Variants in MS4A4E observed in about 807,000 individuals in gnomAD.
MS4A4E encodes membrane spanning 4-domains A4E.
A neutral mutation model predicts 13.3 loss-of-function variants in MS4A4E; 23 were observed. The ratio of observed to expected loss-of-function variants is 1.73; its 90% CI spans 1.25 to 2.45. The LOEUF is 2.45. Among genes scored for constraint, MS4A4E ranks in the 30% most tolerant of loss-of-function variants. The pLI is 0.00. For missense variants in MS4A4E, 144 were observed against 131.2 expected, an observed-to-expected ratio of 1.10 and a Z score of -0.48; for synonymous variants, 36 against 45.6, an observed-to-expected ratio of 0.79 and a Z score of 0.85.
chr11:60,235,498 T>A (rs1360028916), intron 1 of MS4A4E, among the ~76,000 whole-genome samples: 1 of 152,250 alleles, frequency 6.6e-6, no homozygotes, highest in Non-Finnish European at 1.5e-5. Context: ...CTGTTCCCTT[T>A]AGATCTTGCC....
Position 60,230,236 on chromosome 11 carries a change from G to T in MS4A4E, c.-16-165C>A, listed in dbSNP as rs528502107. ...AAGTGGAAGAGGCAACACATTAAGT[G>T]GGGGGTGGAGAGAGAGAGAGAGAGA... On this transcript the variant is annotated intron_variant, in intron 1 of 8. Transcript: ENST00000651255. Among the ~76,000 whole-genome samples the T allele has an allele frequency of 2.1e-4, 32 of 152,260 alleles. No homozygotes were observed. In the East Asian group the frequency reaches 2.5e-3, roughly 12 times the overall value.
intron 3 of MS4A4E, 66 bp downstream of exon 3, chr11:60,228,528 G>C: frequency 6.3e-6 from 4 of 636,432 alleles, no homozygotes; most frequent in Non-Finnish European, 8.5e-6. Context: ...TAACAGGGAA[G>C]ACAGTTTGGC....
intron 6 of MS4A4E, 45 bp downstream of exon 6, chr11:60,208,548 A>G: frequency 1.4e-6 from 1 of 713,150 alleles, no homozygotes; most frequent in East Asian, 2.6e-5. Flanking sequence ...TTATACAGCA[A>G]TACAAAAGTA....
intron 1 of MS4A4E, among the ~76,000 whole-genome samples, chr11:60,240,674 T>A (rs2084537207): frequency 6.6e-6 from 1 of 152,190 alleles, no homozygotes; most frequent in Non-Finnish European, 1.5e-5. Flanking sequence ...CTAAAGTAAT[T>A]TCATTCCTAT....
At chr11:60,241,999 C>A (rs2084558415) in intron 1 of MS4A4E, among the ~76,000 whole-genome samples, 1 of 152,196 alleles carries the variant, frequency 6.6e-6, no homozygotes, top group African/African-American at 2.4e-5. Context: ...CACCATCCCC[C>A]TTATGGGTCA....
rs1387981071 is a variant in MS4A4E at position 60,205,734 on chromosome 11, A to C, written c.570T>G (p.Asp190Glu). The change falls in exon 7 of 9, where the codon GAT becomes GAG. Residue 190 changes from aspartate to glutamate, a missense_variant. Asp to Glu is a conservative substitution (Grantham distance 45, BLOSUM62 2). Transcript: ENST00000651255. ...MQYDGKRLNVDVDSTVWCSGD... is the reference protein window; with the variant it reads ...MQYDGKRLNVEVDSTVWCSGD... ...TTTACCACCATACAGTACTGTCGAC[A>C]TCAACATTTAGTCTCTTTCCATCAT... is the stretch of plus-strand genomic sequence containing the variant. 6.6e-6 allele frequency among the ~76,000 whole-genome samples: 1 copy of C among 152,232 alleles called. No individual in the cohort carries two copies.
chr11:60,215,243 C>T (rs1236762522), intron 3 of MS4A4E, among the ~76,000 whole-genome samples: 1 of 151,682 alleles, frequency 6.6e-6, no homozygotes, highest in Non-Finnish European at 1.5e-5. Context: ...TAAAATAGCT[C>T]AATAAACTTC....
intron 3 of MS4A4E, among the ~76,000 whole-genome samples, chr11:60,227,464 T>C (rs2084357978): frequency 6.6e-6 from 1 of 152,036 alleles, no homozygotes; most frequent in Admixed American, 6.5e-5. Context: ...GGCAGGAGAA[T>C]GGTGTGAACC....
At chr11:60,207,847 T>A (rs906895599) in intron 6 of MS4A4E, among the ~76,000 whole-genome samples, 9 of 152,284 alleles carry the variant, frequency 5.9e-5, no homozygotes, top group African/African-American at 2.2e-4. Flanking sequence ...GCCAGGAGCA[T>A]CTGCTGCAGG....
In MS4A4E at chr11:60,201,443, T is replaced by C. The variant is rs567593980; in HGVS notation, c.*100A>G. 1,330 of 203,786 alleles carry C rather than the reference T, an allele frequency of 6.5e-3. 10 individuals carry two copies. The highest frequency in any genetic ancestry group is 0.031 in the African/African-American group (1,236 of 39,700). 12.6% of individuals were successfully genotyped at this position (203,786 alleles called of 1,614,324 possible). A position where few individuals can be genotyped will look rare whatever the true frequency, so the allele number is the denominator to read the frequency against. On this transcript the variant is annotated 3_prime_UTR_variant, in exon 9 of 9. Coordinates refer to ENST00000651255, the MANE Select transcript of MS4A4E (RefSeq NM_001393391.1). ...CTCCTCCCTTCTCAGATGGGGCGGC[T>C]GGGCAGAGACGCTCCTCACCTCCCA...
chr11:60,223,385 AAT>A (rs1195903683), intron 3 of MS4A4E, among the ~76,000 whole-genome samples: 1 of 152,188 alleles, frequency 6.6e-6, no homozygotes, highest in Non-Finnish European at 1.5e-5. Context: ...TTGTACAAAA[AAT>A]AGCTGCATTA....
intron 3 of MS4A4E, among the ~76,000 whole-genome samples, chr11:60,224,357 C>A (rs773289718): frequency 3.3e-5 from 5 of 152,126 alleles, no homozygotes; most frequent in Non-Finnish European, 7.4e-5. Context: ...AGTCAGTAGA[C>A]TCTATATTAG....
chr11:60,202,742 A>G (rs1047893432), intron 8 of MS4A4E, among the ~76,000 whole-genome samples: 3 of 152,194 alleles, frequency 2.0e-5, no homozygotes, highest in African/African-American at 7.2e-5. Context: ...TGTCATTCTC[A>G]ATATGACATC....
chr11:60,240,348 C>T (rs773651959), intron 1 of MS4A4E, among the ~76,000 whole-genome samples: 1 of 152,196 alleles, frequency 6.6e-6, no homozygotes, highest in Non-Finnish European at 1.5e-5. Flanking sequence ...CTCCCATCTC[C>T]TCGTGCCAAG....
intron 3 of MS4A4E, among the ~76,000 whole-genome samples, chr11:60,224,196 T>C (rs1211878308): frequency 2.6e-5 from 4 of 152,354 alleles, no homozygotes; most frequent in African/African-American, 9.6e-5. Flanking sequence ...AAAACTCTCT[T>C]GTGTTTTCTC....
intron 4 of MS4A4E, among the ~76,000 whole-genome samples, chr11:60,214,107 T>C (rs2084160400): frequency 6.6e-6 from 1 of 152,158 alleles, no homozygotes; most frequent in Non-Finnish European, 1.5e-5. Context: ...GGTTTCACCA[T>C]GTTGGCCAGG....
rs752502887 is a variant in MS4A4E at position 60,214,551 on chromosome 11, C to A, written c.222+20G>T. On this transcript the variant is annotated intron_variant, in intron 4 of 8. Transcript: ENST00000651255. ...TGATTAATCCTTTCCTTTTGATACC[C>A]CCCACAAAACATTACTCACCAGACC... 8.7e-6 allele frequency: 13 copies of A among 1,488,800 alleles called. No individual in the cohort carries two copies. The highest frequency in any genetic ancestry group is 9.0e-7 in the Non-Finnish European group (1 of 1,115,166). 92.2% of individuals were successfully genotyped at this position (1,488,800 alleles called of 1,614,324 possible).
chr11:60,215,455 CT>C (rs2084181333), intron 3 of MS4A4E, among the ~76,000 whole-genome samples: 1 of 151,156 alleles, frequency 6.6e-6, no homozygotes, highest in African/African-American at 2.4e-5. Context: ...AAAACGTTAC[CT>C]GTTAATTGCT....
At chr11:60,240,140 G>T (rs1263899719) in intron 1 of MS4A4E, among the ~76,000 whole-genome samples, 2 of 152,194 alleles carry the variant, frequency 1.3e-5, no homozygotes, top group East Asian at 1.9e-4. Context: ...AATCAAGAGA[G>T]GCAAGAGCTA....
Sources: gnomAD v4.1 joint callset for allele counts (sites outside exome capture counted in the v4.1 genomes callset) on GRCh38, gnomAD v4.1.1 for gene constraint, MANE v1.5 for transcripts, NCBI Gene and HGNC (gene_info 2026-07-23, HGNC 2026-07-21) for gene names.